DOCK5: variants seen among roughly 807,000 people sequenced by gnomAD.
The protein encoded by DOCK5 is dedicator of cytokinesis 5.
Under a neutral mutation model 251.8 loss-of-function variants are expected in DOCK5, and 142 were observed. The ratio of observed to expected loss-of-function variants is 0.56; its 90% CI spans 0.49 to 0.65. The LOEUF (loss-of-function observed/expected upper bound fraction) is 0.65. Ranked by LOEUF, DOCK5 falls within the 30% of genes least tolerant of loss-of-function variation. DOCK5 has a pLI of 0.00. For synonymous variants in DOCK5, 842 were observed against 835.5 expected, an observed-to-expected ratio of 1.01 and a Z score of -0.13; for missense variants, 2,111 against 2,312.3, an observed-to-expected ratio of 0.91 and a Z score of 1.79.
chr8:25,301,550 G>C (rs1329277745), intron 9 of DOCK5, among the ~76,000 whole-genome samples: 1 of 151,936 alleles, frequency 6.6e-6, no homozygotes, highest in Non-Finnish European at 1.5e-5. Context: ...TCATTCCTGG[G>C]TTTACTCACC....
At chr8:25,324,247 C>T (rs112784138) in intron 17 of DOCK5, among the ~76,000 whole-genome samples, 1 of 152,118 alleles carries the variant, frequency 6.6e-6, no homozygotes, top group African/African-American at 2.4e-5. Flanking sequence ...GGTAAGGGGT[C>T]GGCCTCTCAT....
At chr8:25,215,628 T>C (rs1802224313) in intron 1 of DOCK5, among the ~76,000 whole-genome samples, 1 of 152,034 alleles carries the variant, frequency 6.6e-6, no homozygotes, top group African/African-American at 2.4e-5. Flanking sequence ...ACCTACTCAA[T>C]CCCTTGGTCA....
In DOCK5 at chr8:25,380,687, C is replaced by T. The variant is rs77633489; in HGVS notation, c.4026+293C>T. ...GTAGTGACTCGCTTTCCACATCCCT[C>T]AGGATCTCTGTCTGCAGCTCTCTCA... On this transcript the variant is annotated intron_variant, in intron 39 of 51. Transcript: ENST00000276440. Among the ~76,000 whole-genome samples, 698 of 152,356 alleles carry T rather than the reference C, an allele frequency of 4.6e-3. 2 individuals are homozygous for T. Among genetic ancestry groups the T allele is most frequent in the Non-Finnish European group, 8.0e-3 (541 of 68,026 alleles).
intron 1 of DOCK5, among the ~76,000 whole-genome samples, chr8:25,225,407 G>A (rs1332219884): frequency 6.6e-6 from 1 of 152,168 alleles, no homozygotes; most frequent in Non-Finnish European, 1.5e-5. Context: ...ATATTATTCA[G>A]CCTTAAAAAG....
intron 2 of DOCK5, among the ~76,000 whole-genome samples, chr8:25,243,958 G>A (rs569661743): frequency 3.3e-5 from 5 of 152,322 alleles, no homozygotes; most frequent in African/African-American, 1.2e-4. Context: ...GCACAAACTT[G>A]CACAGACACC....
At chr8:25,405,072 T>C (rs1168338003) in intron 48 of DOCK5, among the ~76,000 whole-genome samples, 1 of 152,204 alleles carries the variant, frequency 6.6e-6, no homozygotes, top group Non-Finnish European at 1.5e-5. Flanking sequence ...TTGTTGGCCC[T>C]TTGTCTGTGA....
At chr8:25,302,251 G>C in intron 9 of DOCK5, 74 bp from the exon 10 acceptor site, 2 of 1,503,454 alleles carry the variant, frequency 1.3e-6, no homozygotes, top group Non-Finnish European at 1.8e-6. Context: ...TGTTGTAGAG[G>C]GTAAAGAAAA....
rs140538985 is a variant in DOCK5 at position 25,347,356 on chromosome 8, C to T, written c.2754+1745C>T. Among the ~76,000 whole-genome samples the T allele has an allele frequency of 1.7e-3, 256 of 152,330 alleles. 4 individuals are homozygous for T. The highest frequency in any genetic ancestry group is 3.1e-3 in the Non-Finnish European group (214 of 68,026). Reference sequence around the variant, plus strand: ...GCCCCTGTAGCCCACTTACTCTTTGCACTGCTTACTTGATATTTATTCATT... The same window carrying T: ...GCCCCTGTAGCCCACTTACTCTTTGTACTGCTTACTTGATATTTATTCATT... On this transcript the variant is annotated intron_variant, in intron 26 of 51. Transcript: ENST00000276440.
rs546397486 is a variant in DOCK5, at chr8:25,359,114, A to T, written c.2949+53A>T. 20 of 1,501,828 alleles carry T rather than the reference A, an allele frequency of 1.3e-5. No homozygotes were observed. The East Asian group carries it at 3.8e-4, about 29-fold the overall frequency. The allele number at this position is 1,501,828 out of a possible 1,614,324, so 93.0% of individuals were successfully genotyped here. A position where few individuals can be genotyped will look rare whatever the true frequency, so the allele number is the denominator to read the frequency against. ...CCTGAAGACTTCTTAAATTTGGTTTAAAAAAATGACTGAAGCTGAGCATCG... is the reference window on the plus strand; with the variant it reads ...CCTGAAGACTTCTTAAATTTGGTTTTAAAAAATGACTGAAGCTGAGCATCG... On this transcript the variant is annotated intron_variant, in intron 28 of 51. Transcript: ENST00000276440.
At position 25,190,516 on chromosome 8, in the gene DOCK5, G is replaced by A. The variant is rs570611511; in HGVS notation, c.43+5565G>A. Among the ~76,000 whole-genome samples the A allele has an allele frequency of 1.4e-4, 22 of 152,150 alleles. No individual in the cohort carries two copies. The East Asian group carries it at 2.1e-3, about 15-fold the overall frequency. On this transcript the variant is annotated intron_variant, in intron 1 of 51. Transcript: ENST00000276440. ...TCACAGGCGCTAGTAGTGCAATTGC[G>A]GTTTATTGGCTACAGTCGTAATTAA...
At chr8:25,204,080 G>A (rs1407483262) in intron 1 of DOCK5, among the ~76,000 whole-genome samples, 1 of 152,146 alleles carries the variant, frequency 6.6e-6, no homozygotes, top group Non-Finnish European at 1.5e-5. Context: ...TTTTCTTGCA[G>A]AAATAGTTAC....
intron 28 of DOCK5, among the ~76,000 whole-genome samples, chr8:25,360,856 T>C (rs910590644): frequency 2.6e-5 from 4 of 152,226 alleles, no homozygotes; most frequent in African/African-American, 9.6e-5. Context: ...ACAATTTGGC[T>C]CCATTGTTAA....
chr8:25,408,261 G>A lies in DOCK5; in HGVS notation c.5265+107G>A, dbSNP rs1374622376. 1.8e-5 allele frequency: 23 copies of A among 1,248,406 alleles called. No individual in the cohort carries two copies. In the South Asian group the frequency reaches 3.5e-4, roughly 19 times the overall value. 77.3% of individuals were successfully genotyped at this position (1,248,406 alleles called of 1,614,324 possible). A position where few individuals can be genotyped will look rare whatever the true frequency, so the allele number is the denominator to read the frequency against. ...CCAGATTGAAGCTGGGCTATGGCTTGTTTCAGGACTCAGCAGCCTGGGTTA... is the reference window on the plus strand; with the variant it reads ...CCAGATTGAAGCTGGGCTATGGCTTATTTCAGGACTCAGCAGCCTGGGTTA... On this transcript the variant is annotated intron_variant, in intron 49 of 51. Transcript: ENST00000276440.
intron 1 of DOCK5, among the ~76,000 whole-genome samples, chr8:25,197,831 A>C (rs1413396126): frequency 6.7e-6 from 1 of 149,810 alleles, no homozygotes; most frequent in African/African-American, 2.5e-5. Flanking sequence ...GCTCACTGCA[A>C]GCTCAGCCTC....
At chr8:25,368,478 C>A in intron 32 of DOCK5, 93 bp from the exon 33 acceptor site, 2 of 1,428,528 alleles carry the variant, frequency 1.4e-6, no homozygotes, top group Non-Finnish European at 1.9e-6. Context: ...TTGTTTTAAC[C>A]TTTTCTTTTC....
At position 25,410,151 on chromosome 8, in the gene DOCK5, ACCT is replaced by A; in HGVS notation, c.5460_5462del (p.Pro1822del). The A allele has an allele frequency of 6.2e-7, 1 of 1,612,512 alleles. No individual in the cohort carries two copies. The highest frequency in any genetic ancestry group is 2.2e-5 in the East Asian group (1 of 44,762). ...TCGCGGCCACTCCTGTCCCACCTCC[ACCT>A]CCCCCCAAAAGCAAGCCCTATGAAG... On this transcript the variant is annotated inframe_deletion, in exon 51 of 52. Coordinates refer to ENST00000276440, the MANE Select transcript of DOCK5 (RefSeq NM_024940.8).
chr8:25,286,281 G>A (rs781687617), intron 5 of DOCK5, among the ~76,000 whole-genome samples: 1 of 152,168 alleles, frequency 6.6e-6, no homozygotes, highest in Non-Finnish European at 1.5e-5. Flanking sequence ...CGCCAACTGA[G>A]TGTGCAAGCA....
chr8:25,300,777 G>A lies in DOCK5; in HGVS notation c.846+120G>A, dbSNP rs892702809. 3 of 1,080,560 alleles carry A rather than the reference G, an allele frequency of 2.8e-6. No homozygotes were observed. In the Admixed American group the frequency reaches 7.1e-5, roughly 25 times the overall value. The allele number at this position is 1,080,560 out of a possible 1,614,324, so 66.9% of individuals were successfully genotyped here. A position where few individuals can be genotyped will look rare whatever the true frequency, so the allele number is the denominator to read the frequency against. ...AAAGGAAAAATCATCAATCTGCCTA[G>A]CAGGAATAACCCACCCATTTATTCA... On this transcript the variant is annotated intron_variant, in intron 9 of 51. Coordinates refer to ENST00000276440, the MANE Select transcript of DOCK5 (RefSeq NM_024940.8).
chr8:25,204,658 A>G (rs1037156213), intron 1 of DOCK5, among the ~76,000 whole-genome samples: 3 of 152,186 alleles, frequency 2.0e-5, no homozygotes, highest in South Asian at 2.1e-4. Flanking sequence ...TTTATGGCCA[A>G]ATTTTCTTCA....
Sources: gnomAD v4.1 joint callset for allele counts (sites outside exome capture counted in the v4.1 genomes callset) on GRCh38, gnomAD v4.1.1 for gene constraint, MANE v1.5 for transcripts, NCBI Gene and HGNC (gene_info 2026-07-23, HGNC 2026-07-21) for gene names.